The following NXPE1 variants were observed in gnomAD, a reference collection of about 807,000 sequenced individuals.
NXPE1 encodes NXPE family member 1.
NXPE1 carries 31 observed loss-of-function variants against 33.3 expected under a neutral mutation model. That is an observed-to-expected ratio of 0.93 (90% CI 0.70 to 1.26). The LOEUF is 1.26. NXPE1 is among the 50% of genes most tolerant of loss of function. The pLI is 0.00. For synonymous variants in NXPE1, 229 were observed against 231.4 expected (o/e 0.99, Z 0.09); for missense variants, 661 against 655.6 (o/e 1.01, Z -0.09).
chr11:114,540,706 G>A (rs1014024385), intron 5 of NXPE1, among the ~76,000 whole-genome samples: 7 of 152,036 alleles, frequency 4.6e-5, no homozygotes, highest in African/African-American at 7.2e-5. Context: ...GTGAACAAAA[G>A]CAGGCAAGTT....
intron 7 of NXPE1, chr11:114,526,613 C>G (rs766509842): frequency 2.6e-5 from 4 of 152,216 alleles, no homozygotes; most frequent in Non-Finnish European, 4.4e-5. Flanking sequence ...GGTTCTTCCT[C>G]TCTTTCTAGG....
rs1395782078 is a variant in NXPE1 at position 114,522,861 on chromosome 11, T to C, written c.1108+18A>G. The stretch of plus-strand genomic sequence containing the variant: ...AAACCAGCCTGAATTTCTAAGAGAA[T>C]ATAAAGTAACTACCTACTTTTTACA... On this transcript the variant is annotated intron_variant, in intron 8 of 8. Transcript: ENST00000534921. The C allele has an allele frequency of 6.4e-7, 1 of 1,558,110 alleles. No individual in the cohort carries two copies. Among genetic ancestry groups the C allele is most frequent in the Admixed American group, 1.7e-5 (1 of 59,876 alleles).
chr11:114,545,964 C>G (rs1292484833), intron 5 of NXPE1, among the ~76,000 whole-genome samples: 1 of 152,204 alleles, frequency 6.6e-6, no homozygotes, highest in African/African-American at 2.4e-5. Flanking sequence ...GCTGGGATTA[C>G]AGGCATGAGC....
At chr11:114,535,021 C>A (rs1947747233) in intron 5 of NXPE1, among the ~76,000 whole-genome samples, 1 of 152,118 alleles carries the variant, frequency 6.6e-6, no homozygotes. Context: ...ATGTTAAGGG[C>A]AGCCAGAGAG....
intron 5 of NXPE1, among the ~76,000 whole-genome samples, chr11:114,546,379 C>T (rs1429004715): frequency 6.6e-6 from 1 of 151,726 alleles, no homozygotes; most frequent in Non-Finnish European, 1.5e-5. Context: ...CCATGTTTAG[C>T]TTAATATAGA....
chr11:114,522,939 A>G lies in NXPE1; in HGVS notation c.1048T>C (p.Tyr350His), dbSNP rs755390673. 2 of 1,613,680 alleles carry G rather than the reference A, an allele frequency of 1.2e-6. No individual in the cohort carries two copies. The highest frequency in any genetic ancestry group is 2.2e-5 in the South Asian group (2 of 91,070). Residue 350 changes from tyrosine (Y) to histidine (H), a missense_variant, in exon 8 of 9, where the codon TAC becomes CAC. By Grantham distance (83) the Tyr-to-His change is moderately conservative. Transcript: ENST00000534921. ...CGTAGTGTAGAGTCTCCCAGGAGGT[A>G]AATGAGTTTGCCTTTCAAACAGCCA...
At chr11:114,538,339 T>G (rs546424840) in intron 5 of NXPE1, among the ~76,000 whole-genome samples, 7 of 152,276 alleles carry the variant, frequency 4.6e-5, no homozygotes, top group Admixed American at 4.6e-4. Flanking sequence ...GAAGAAAACC[T>G]AGGCAGTACC....
chr11:114,532,358 C>A (rs561916098), intron 5 of NXPE1, among the ~76,000 whole-genome samples: 1 of 151,812 alleles, frequency 6.6e-6, no homozygotes, highest in South Asian at 2.1e-4. Context: ...CCTTTTGGTT[C>A]TCTGGAAAAT....
intron 5 of NXPE1, among the ~76,000 whole-genome samples, chr11:114,532,963 A>G (rs1947639861): frequency 6.6e-6 from 1 of 152,212 alleles, no homozygotes; most frequent in Admixed American, 6.5e-5. Context: ...ATGTATTTCA[A>G]CATTTACTTA....
intron 5 of NXPE1, among the ~76,000 whole-genome samples, chr11:114,539,244 G>A (rs1947985442): frequency 6.7e-6 from 1 of 150,224 alleles, no homozygotes; most frequent in Non-Finnish European, 1.5e-5. Context: ...GAGAACACAT[G>A]GACACAGGAA....
intron 5 of NXPE1, among the ~76,000 whole-genome samples, chr11:114,535,010 A>AG (rs1376630260): frequency 6.6e-6 from 1 of 152,202 alleles, no homozygotes; most frequent in Non-Finnish European, 1.5e-5. Flanking sequence ...TGAAGGAAAA[A>AG]ATGTTAAGGG....
chr11:114,528,400 G>A (rs1170567526), intron 6 of NXPE1, among the ~76,000 whole-genome samples: 1 of 152,176 alleles, frequency 6.6e-6, no homozygotes, highest in African/African-American at 2.4e-5. Context: ...AAGGAATCCA[G>A]CCTTTTTGGG....
chr11:114,553,606 C>G, intron 1 of NXPE1: 1 of 513,300 alleles, frequency 1.9e-6, no homozygotes, highest in Non-Finnish European at 2.5e-6. Flanking sequence ...TCACATTTGT[C>G]TAAGCCATAA....
At chr11:114,559,170 AG>A (rs1948721186) in intron 1 of NXPE1, among the ~76,000 whole-genome samples, 1 of 152,242 alleles carries the variant, frequency 6.6e-6, no homozygotes, top group Non-Finnish European at 1.5e-5. Flanking sequence ...AAATTAAAAA[AG>A]AATCCTTCCT....
downstream of NXPE1, among the ~76,000 whole-genome samples, chr11:114,520,038 G>C (rs192585422): frequency 7.8e-4 from 119 of 151,932 alleles, no homozygotes; most frequent in African/African-American, 2.7e-3. Context: ...TCCTGACCTC[G>C]TGATCCTCCC....
At chr11:114,522,755 G>T (rs1028636371) in intron 8 of NXPE1, 124 bp downstream of exon 8, 2 of 709,878 alleles carry the variant, frequency 2.8e-6, no homozygotes, top group Non-Finnish European at 2.3e-6. Flanking sequence ...TAAATGTAAA[G>T]GTTCAAATCC....
At chr11:114,528,733 G>C in intron 6 of NXPE1, 2 of 565,596 alleles carry the variant, frequency 3.5e-6, no homozygotes, top group South Asian at 2.3e-5. Flanking sequence ...GTGGAGGAAG[G>C]AAGAAAGGGA....
exon 6 of NXPE1, chr11:114,530,446 C>T (rs199668376): frequency 1.1e-5 from 17 of 1,614,106 alleles, no homozygotes; most frequent in Non-Finnish European, 1.4e-5. Context: ...GCCGACGCCC[C>T]TTCACTGGGG....
chr11:114,526,668 A>G (rs1947378386), intron 7 of NXPE1: 1 of 152,330 alleles, frequency 6.6e-6, no homozygotes, highest in African/African-American at 2.4e-5. Context: ...CCATTGGCCT[A>G]TTGAAGAAGT....
Sources: gnomAD v4.1 joint callset for allele counts (sites outside exome capture counted in the v4.1 genomes callset) on GRCh38, gnomAD v4.1.1 for gene constraint, MANE v1.5 for transcripts, NCBI Gene and HGNC (gene_info 2026-07-23, HGNC 2026-07-21) for gene names.